Variants in EPB41 observed in about 807,000 individuals in gnomAD.
EPB41 encodes the protein protein 4.1.
EPB41 carries 65 observed loss-of-function variants against 108.0 expected under a neutral mutation model. The observed-to-expected ratio is 0.60, with a 90% CI of 0.49 to 0.74. The LOEUF is 0.74. EPB41 is among the 30% of genes least tolerant of loss of function. EPB41 has a pLI of 0.00. For missense variants in EPB41, 875 were observed against 1,037.0 expected (o/e 0.84, Z 2.15); for synonymous variants, 336 against 358.9 (o/e 0.94, Z 0.72).
At position 29,033,127 on chromosome 1, in the gene EPB41, G is replaced by T. The variant is rs763594018; in HGVS notation, c.1247G>T (p.Cys416Phe). 8 of 1,613,906 alleles carry T rather than the reference G, an allele frequency of 5.0e-6. No homozygotes were observed. The South Asian group carries it at 8.8e-5, about 18-fold the overall frequency. Residue 416 changes from cysteine (C) to phenylalanine (F), a missense_variant, in exon 9 of 21, where the codon TGC (cysteine) becomes TTC (phenylalanine). By Grantham distance (205) the Cys-to-Phe change is radical. Around this residue, in one of 3 missense-constraint regions of EPB41, gnomAD observed 519 missense variants for 627.3 expected, o/e 0.83. Transcript: ENST00000343067. ...LEGVDIILGV[C>F]SSGLLVYKDK... is the part of the protein sequence containing the mutation. ...GGAGTAGATATCATCCTAGGTGTCT[G>T]CTCTAGTGGCCTTCTGGTTTACAAA...
At chr1:28,989,598 G>C (rs2095958023) in intron 2 of EPB41, among the ~76,000 whole-genome samples, 2 of 152,134 alleles carry the variant, frequency 1.3e-5, no homozygotes, top group African/African-American at 4.8e-5. Context: ...AGTGCTGAGG[G>C]TAAAATTTAG....
At chr1:28,923,346 C>T (rs757309427) in intron 1 of EPB41, among the ~76,000 whole-genome samples, 8 of 150,918 alleles carry the variant, frequency 5.3e-5, no homozygotes, top group African/African-American at 1.2e-4. Flanking sequence ...CTACCCGCCT[C>T]GGCCTCCCAA....
chr1:29,040,170 C>T (rs1640951857), intron 11 of EPB41, among the ~76,000 whole-genome samples: 1 of 151,816 alleles, frequency 6.6e-6, no homozygotes, highest in Admixed American at 6.6e-5. Flanking sequence ...CCAGCCTAGG[C>T]CACAAAGTGA....
At chr1:28,960,132 G>A (rs912209198) in intron 1 of EPB41, among the ~76,000 whole-genome samples, 1 of 151,162 alleles carries the variant, frequency 6.6e-6, no homozygotes. Flanking sequence ...CCTCCCAGAA[G>A]CGGAGACTAC....
At chr1:29,034,237 A>C (rs551698474) in intron 9 of EPB41, among the ~76,000 whole-genome samples, 76 of 152,318 alleles carry the variant, frequency 5.0e-4, no homozygotes, top group African/African-American at 1.6e-3. Flanking sequence ...ATTTATTGAG[A>C]GCTTTCCTGT....
intron 17 of EPB41, among the ~76,000 whole-genome samples, chr1:29,103,386 A>C: frequency 6.6e-6 from 1 of 152,226 alleles, no homozygotes; most frequent in East Asian, 1.9e-4. Flanking sequence ...TTCTTGACAG[A>C]GCCCGTGGGC....
intron 1 of EPB41, among the ~76,000 whole-genome samples, chr1:28,888,503 G>C (rs989342594): frequency 1.3e-5 from 2 of 152,234 alleles, no homozygotes; most frequent in Admixed American, 1.3e-4. Context: ...TGACAGACCC[G>C]CAAGTCTAAG....
intron 8 of EPB41, 95 bp from the exon 9 acceptor site, chr1:29,032,998 T>A: frequency 8.5e-7 from 1 of 1,177,886 alleles, no homozygotes. Context: ...GTTTTGTAAC[T>A]GTTTTTGGTT....
chr1:29,096,464 T>G (rs1369578691), intron 16 of EPB41: 2 of 985,912 alleles, frequency 2.0e-6, no homozygotes, highest in East Asian at 1.1e-4. Flanking sequence ...ACCAGCTTCC[T>G]GTCAGCTGCA....
Position 29,089,874 on chromosome 1 carries a change from C to T in EPB41, c.2185-7933C>T, listed in dbSNP as rs146454132. On this transcript the variant is annotated intron_variant, in intron 16 of 20. Coordinates refer to ENST00000343067, the MANE Select transcript of EPB41 (RefSeq NM_001376013.1). The stretch of plus-strand genomic sequence containing the variant: ...CACTTTAGCAGCATAATAGAGGACA[C>T]GTTCAAGGAAGGTTTGAGATGAGAA... Among the ~76,000 whole-genome samples the T allele has an allele frequency of 4.3e-4, 65 of 151,926 alleles. 1 individual carries two copies. The highest frequency in any genetic ancestry group is 1.4e-3 in the Admixed American group (21 of 15,226).
chr1:28,983,700 C>T (rs1248842603), intron 1 of EPB41, among the ~76,000 whole-genome samples: 1 of 152,172 alleles, frequency 6.6e-6, no homozygotes, highest in Non-Finnish European at 1.5e-5. Context: ...ACGCGGGCCT[C>T]ACAGCAGTAT....
At chr1:28,977,400 T>C (rs571479893) in intron 1 of EPB41, among the ~76,000 whole-genome samples, 47 of 151,868 alleles carry the variant, frequency 3.1e-4, no homozygotes, top group Admixed American at 7.9e-4. Flanking sequence ...TTTTCTTTTT[T>C]TTTTTTTTTT....
chr1:29,107,635 G>A (rs995183294), intron 17 of EPB41, among the ~76,000 whole-genome samples: 44 of 151,896 alleles, frequency 2.9e-4, no homozygotes, highest in African/African-American at 2.2e-4. Flanking sequence ...GGCGGTTCAC[G>A]AAGTCAGGAG....
rs561574606 is a variant in EPB41, at chr1:29,028,867, C to A, written c.1125-1533C>A. Among the ~76,000 whole-genome samples the A allele has an allele frequency of 3.2e-4, 49 of 152,080 alleles. No homozygotes were observed. The South Asian group carries it at 0.01, about 32-fold the overall frequency. On this transcript the variant is annotated intron_variant, in intron 7 of 20. Coordinates refer to ENST00000343067, the MANE Select transcript of EPB41 (RefSeq NM_001376013.1). ...GATCAGCCTGGGCAACATACTGAGA[C>A]CCCCTCTGTACGAAAAATAAGAAAA...
Position 29,055,032 on chromosome 1 carries a change from C to T in EPB41, c.1845+1720C>T, listed in dbSNP as rs1208841504. The stretch of plus-strand genomic sequence containing the variant: ...CAGCCTGAGTGACAGAGCAAGACTC[C>T]GTCTCAAAAAATAATAATAATAAAT... On this transcript the variant is annotated intron_variant, in intron 12 of 20. Transcript: ENST00000343067. 5.3e-5 allele frequency among the ~76,000 whole-genome samples: 8 copies of T among 152,084 alleles called. No homozygotes were observed. In the East Asian group the frequency reaches 5.8e-4, roughly 11 times the overall value.
At chr1:28,935,061 A>G (rs1313760691) in intron 1 of EPB41, among the ~76,000 whole-genome samples, 1 of 151,862 alleles carries the variant, frequency 6.6e-6, no homozygotes, top group Non-Finnish European at 1.5e-5. Flanking sequence ...GCTGTGAGCC[A>G]TGTTCATGCC....
chr1:28,916,027 C>A (rs1055383457), intron 1 of EPB41, among the ~76,000 whole-genome samples: 1 of 152,046 alleles, frequency 6.6e-6, no homozygotes, highest in East Asian at 1.9e-4. Context: ...CTAACCCCTA[C>A]TTTTTATGGA....
chr1:29,025,206 C>G (rs1385958781), intron 7 of EPB41, among the ~76,000 whole-genome samples: 3 of 151,984 alleles, frequency 2.0e-5, no homozygotes, highest in East Asian at 3.8e-4. Context: ...GTAAACTTGT[C>G]TATTGTCCCC....
chr1:28,983,522 G>A (rs2149469533), intron 1 of EPB41, among the ~76,000 whole-genome samples: 1 of 152,238 alleles, frequency 6.6e-6, no homozygotes, highest in African/African-American at 2.4e-5. Flanking sequence ...AGTGAAGCAG[G>A]ATATTTGCCT....
Sources: allele counts gnomAD v4.1 joint callset (sites outside exome capture counted in the v4.1 genomes callset), GRCh38; gene constraint gnomAD v4.1.1; regional missense constraint gnomAD v4.1.1; transcripts MANE v1.5; gene names NCBI Gene and HGNC (gene_info 2026-07-23, HGNC 2026-07-21).